Variants in ELP4 observed in about 807,000 individuals in gnomAD.
The protein encoded by ELP4 is elongator acetyltransferase complex subunit 4.
Under a neutral mutation model 48.9 loss-of-function variants are expected in ELP4, and 51 were observed. The observed-to-expected ratio is 1.04, with a 90% confidence interval of 0.83 to 1.32. The LOEUF (loss-of-function observed/expected upper bound fraction) is 1.32. Ranked by LOEUF, ELP4 falls within the 40% of genes most tolerant of loss-of-function variation. The pLI, the probability that ELP4 is intolerant of heterozygous loss-of-function variation, is 0.00. For missense variants in ELP4, 519 were observed against 514.6 expected, an observed-to-expected ratio of 1.01 and a Z score of -0.08; for synonymous variants, 210 against 189.2, an observed-to-expected ratio of 1.11 and a Z score of -0.90.
intron 1 of ELP4, among the ~76,000 whole-genome samples, chr11:31,515,171 C>G (rs1956089203): frequency 6.6e-6 from 1 of 151,942 alleles, no homozygotes; most frequent in Non-Finnish European, 1.5e-5. Flanking sequence ...CCACAACTAT[C>G]CTTCACAGTG....
intron 2 of ELP4, among the ~76,000 whole-genome samples, chr11:31,536,807 T>G (rs1956509193): frequency 1.3e-5 from 2 of 152,208 alleles, no homozygotes; most frequent in Admixed American, 1.3e-4. Flanking sequence ...GTTCACATCT[T>G]TTGCTCATTT....
intron 2 of ELP4, among the ~76,000 whole-genome samples, chr11:31,529,040 G>GTA (rs34149746): frequency 0.11 from 16,059 of 145,720 alleles, 2,230 homozygotes; most frequent in African/African-American, 0.33. Context: ...TTGGCTATGT[G>GTA]TATATATATA....
At chr11:31,567,752 A>G (rs965527412) in intron 3 of ELP4, among the ~76,000 whole-genome samples, 1 of 152,224 alleles carries the variant, frequency 6.6e-6, no homozygotes, top group Non-Finnish European at 1.5e-5. Context: ...ATACTATACC[A>G]TAGTCTACTA....
rs1948847119 is a variant in ELP4, at chr11:31,788,533, A to G, written c.*5009A>G. 1 of 222,844 alleles carries G rather than the reference A, an allele frequency of 4.5e-6. No homozygotes were observed. The highest frequency in any genetic ancestry group is 2.2e-5 in the African/African-American group (1 of 44,760). The allele number at this position is 222,844 out of a possible 1,614,324, so 13.8% of individuals were successfully genotyped here. ...GTCTCCTTTAAGAAATCTACTTTTGAATATACTTCAGTGAAATCATTGTTG... is the reference window on the plus strand; with the variant it reads ...GTCTCCTTTAAGAAATCTACTTTTGGATATACTTCAGTGAAATCATTGTTG... On this transcript the variant is annotated 3_prime_UTR_variant, in exon 10 of 10. Transcript: ENST00000640961.
chr11:31,672,820 T>A lies in ELP4; in HGVS notation c.1143+22599T>A, dbSNP rs972492527. On this transcript the variant is annotated intron_variant, in intron 9 of 9. Coordinates refer to ENST00000640961, the MANE Select transcript of ELP4 (RefSeq NM_019040.5). Reference sequence around the variant, plus strand: ...AAAAATAAAATAATAAAATAAGTAATCTTTTTAAAAAGAAAGTCATAATTC... The same window carrying A: ...AAAAATAAAATAATAAAATAAGTAAACTTTTTAAAAAGAAAGTCATAATTC... Among the ~76,000 whole-genome samples the A allele has an allele frequency of 2.7e-4, 41 of 151,756 alleles. No homozygotes were observed. The Middle Eastern group carries it at 0.014, about 51-fold the overall frequency.
chr11:31,538,593 A>G (rs534408292), intron 2 of ELP4, among the ~76,000 whole-genome samples: 2 of 151,236 alleles, frequency 1.3e-5, no homozygotes, highest in African/African-American at 4.8e-5. Flanking sequence ...GATGATACCT[A>G]TAGGTTTTTT....
At chr11:31,510,165 G>A (rs1032859029) in intron 1 of ELP4, among the ~76,000 whole-genome samples, 158 bp downstream of exon 1, 9 of 152,234 alleles carry the variant, frequency 5.9e-5, no homozygotes, top group African/African-American at 1.9e-4. Context: ...AATACGGGTT[G>A]TGTGGAGACT....
chr11:31,534,667 AG>A (rs1956469927), intron 2 of ELP4, among the ~76,000 whole-genome samples: 1 of 152,252 alleles, frequency 6.6e-6, no homozygotes, highest in African/African-American at 2.4e-5. Flanking sequence ...GCAAACTTTA[AG>A]CAAGGATTAT....
intron 9 of ELP4, among the ~76,000 whole-genome samples, chr11:31,721,977 A>G (rs1946971251): frequency 1.3e-5 from 2 of 152,144 alleles, no homozygotes; most frequent in African/African-American, 4.8e-5. Context: ...CGCTTTTATT[A>G]TGTACCCACA....
intron 5 of ELP4, 69 bp from the exon 6 acceptor site, chr11:31,627,041 T>G: frequency 2.4e-6 from 2 of 826,650 alleles, no homozygotes; most frequent in Admixed American, 4.0e-5. Context: ...ACTTAATGTT[T>G]TATCATAGAT....
intron 9 of ELP4, among the ~76,000 whole-genome samples, chr11:31,740,994 A>G (rs1333354536): frequency 2.6e-5 from 4 of 152,214 alleles, no homozygotes; most frequent in East Asian, 1.9e-4. Context: ...TCCTAGTCAA[A>G]GAAAGCGGTG....
chr11:31,721,373 A>G (rs1946954821), intron 9 of ELP4, among the ~76,000 whole-genome samples: 1 of 152,334 alleles, frequency 6.6e-6, no homozygotes, highest in Non-Finnish European at 1.5e-5. Flanking sequence ...CCATTAAAAG[A>G]AACAGAAAAT....
chr11:31,531,046 T>C (rs1051757807), intron 2 of ELP4, among the ~76,000 whole-genome samples: 3 of 152,234 alleles, frequency 2.0e-5, no homozygotes, highest in African/African-American at 7.2e-5. Flanking sequence ...AAATGCTTAT[T>C]GTACAACCTC....
chr11:31,691,233 C>T (rs1413526750), intron 9 of ELP4, among the ~76,000 whole-genome samples: 2 of 151,758 alleles, frequency 1.3e-5, no homozygotes, highest in African/African-American at 2.4e-5. Context: ...TTTTAAATCT[C>T]GGATAGTACT....
chr11:31,705,359 A>G (rs781009202), intron 9 of ELP4, among the ~76,000 whole-genome samples: 3 of 152,192 alleles, frequency 2.0e-5, no homozygotes, highest in Admixed American at 1.3e-4. Context: ...ATTACCGCCC[A>G]AAAGCCCCAC....
At chr11:31,646,304 C>A (rs987130164) in intron 7 of ELP4, 3 of 151,734 alleles carry the variant, frequency 2.0e-5, no homozygotes, top group African/African-American at 7.3e-5. Context: ...AACACTGATC[C>A]AAAGGCTGAA....
chr11:31,529,631 A>C (rs975000486), intron 2 of ELP4, among the ~76,000 whole-genome samples: 2 of 152,338 alleles, frequency 1.3e-5, no homozygotes, highest in African/African-American at 2.4e-5. Context: ...AGCCTGCTTT[A>C]TATCTGCTGG....
chr11:31,666,652 A>G (rs2134099275), intron 9 of ELP4, among the ~76,000 whole-genome samples: 1 of 149,000 alleles, frequency 6.7e-6, no homozygotes, highest in African/African-American at 2.5e-5. Flanking sequence ...AGATTGCGCC[A>G]CTGCACTCCA....
chr11:31,514,372 G>T (rs504167), intron 1 of ELP4, among the ~76,000 whole-genome samples: 54,851 of 151,968 alleles, frequency 0.36, 12,242 homozygotes, highest in African/African-American at 0.63. Context: ...TGGGGGAGAA[G>T]CCCTGAGCCT....
Sources: gnomAD v4.1 joint callset for allele counts (sites outside exome capture counted in the v4.1 genomes callset) on GRCh38, gnomAD v4.1.1 for gene constraint, MANE v1.5 for transcripts, NCBI Gene and HGNC (gene_info 2026-07-23, HGNC 2026-07-21) for gene names.